BTBD7: variants seen among roughly 807,000 people sequenced by gnomAD.
BTBD7 encodes BTB/POZ domain-containing protein 7.
Under a neutral mutation model 99.9 loss-of-function variants are expected in BTBD7, and 38 were observed. The ratio of observed to expected loss-of-function variants is 0.38; its 90% CI spans 0.29 to 0.50. The LOEUF is 0.50. BTBD7 is among the 20% of genes least tolerant of loss of function. The probability of loss-of-function intolerance (pLI) is 0.93; values close to 1 mark genes in which losing one functional copy is unlikely to be tolerated. For synonymous variants in BTBD7, 520 were observed against 511.4 expected (o/e 1.02, Z -0.23); for missense variants, 1,170 against 1,394.6 (o/e 0.84, Z 2.57).
At chr14:93,243,283 T>G (rs1034029592) in intron 10 of BTBD7, among the ~76,000 whole-genome samples, 195 bp from the exon 11 acceptor site, 3 of 151,944 alleles carry the variant, frequency 2.0e-5, no homozygotes, top group Admixed American at 2.0e-4. Context: ...AACCTCTGCC[T>G]CCCGGGTTCA....
At position 93,253,739 on chromosome 14, in the gene BTBD7, C is replaced by T; in HGVS notation, c.1660G>A (p.Glu554Lys). The T allele has an allele frequency of 6.2e-7, 1 of 1,613,000 alleles. No homozygotes were observed. The highest frequency in any genetic ancestry group is 8.5e-7 in the Non-Finnish European group (1 of 1,179,300). Residue 554 changes from glutamate (E) to lysine (K), a missense_variant, in exon 7 of 11, where the codon GAA becomes AAA. Glu to Lys is a moderately conservative substitution (Grantham distance 56). Coordinates refer to ENST00000334746, the MANE Select transcript of BTBD7 (RefSeq NM_001002860.4). ...AACCAGGCATTTGACTTCCCACCTT[C>T]TGTTGTAGGAAGCATATCTGATGGA... ...TPPSDMLPTT[E>K]GGKSNAWLRQ... is the part of the protein sequence containing the mutation.
chr14:93,256,734 T>A (rs1427928503), intron 6 of BTBD7: 1 of 152,918 alleles, frequency 6.5e-6, no homozygotes, highest in Admixed American at 6.5e-5. Context: ...TATTAATTTT[T>A]AAAAAATTCA....
chr14:93,276,174 C>T (rs114858704), intron 3 of BTBD7, among the ~76,000 whole-genome samples: 5,234 of 152,270 alleles, frequency 0.034, 296 homozygotes, highest in African/African-American at 0.12. Flanking sequence ...TGTGATCATG[C>T]CACTGCAGCA....
intron 1 of BTBD7, among the ~76,000 whole-genome samples, chr14:93,317,131 G>A (rs992363073): frequency 6.6e-6 from 1 of 151,840 alleles, no homozygotes; most frequent in Non-Finnish European, 1.5e-5. Context: ...TCAGCCTCCC[G>A]AGCGGCTAAG....
intron 3 of BTBD7, among the ~76,000 whole-genome samples, chr14:93,282,418 T>C (rs1226560575): frequency 6.6e-6 from 1 of 151,878 alleles, no homozygotes; most frequent in African/African-American, 2.4e-5. Context: ...CTACAACTTC[T>C]GCCTCCTGGG....
At chr14:93,325,101 C>T (rs2053313565) in intron 1 of BTBD7, among the ~76,000 whole-genome samples, 2 of 143,144 alleles carry the variant, frequency 1.4e-5, no homozygotes, top group Admixed American at 1.5e-4. Context: ...AAGCAGCATG[C>T]TCCAATTTTT....
Position 93,242,295 on chromosome 14 carries a change from A to G in BTBD7, c.3377T>C (p.Leu1126Pro). 6.2e-7 allele frequency: 1 copy of G among 1,613,690 alleles called. No individual in the cohort carries two copies. Among genetic ancestry groups the G allele is most frequent in the Non-Finnish European group, 8.5e-7 (1 of 1,179,670 alleles). ...GRRSPSKPDF[L>P]YKKSAL ...CTCTCAGAGGGCAGACTTTTTGTAG[A>G]GGAAGTCCGGCTTGCTTGGTGACCT... Residue 1126 changes from leucine (L) to proline (P), a missense_variant, in exon 11 of 11, where the codon CTC (leucine) becomes CCC (proline). Around this residue, in one of 4 missense-constraint regions of BTBD7, gnomAD observed 495 missense variants for 525.9 expected, o/e 0.94. Coordinates refer to ENST00000334746, the MANE Select transcript of BTBD7 (RefSeq NM_001002860.4).
chr14:93,276,452 T>C (rs1180277283), intron 3 of BTBD7, among the ~76,000 whole-genome samples: 1 of 152,162 alleles, frequency 6.6e-6, no homozygotes, highest in Non-Finnish European at 1.5e-5. Context: ...GGGGACTCTT[T>C]ACAGAATACC....
At chr14:93,306,810 T>A (rs977220041) in intron 1 of BTBD7, among the ~76,000 whole-genome samples, 2 of 152,246 alleles carry the variant, frequency 1.3e-5, no homozygotes, top group Admixed American at 1.3e-4. Flanking sequence ...AATATATGTA[T>A]CACTGTCATA....
At chr14:93,289,977 C>T (rs1038149349) in intron 3 of BTBD7, among the ~76,000 whole-genome samples, 2 of 151,712 alleles carry the variant, frequency 1.3e-5, no homozygotes, top group African/African-American at 2.4e-5. Context: ...GTGCCTCAGC[C>T]TCCCTAGTAG....
intron 5 of BTBD7, among the ~76,000 whole-genome samples, chr14:93,261,016 G>A (rs2052483420): frequency 6.6e-6 from 1 of 151,848 alleles, no homozygotes; most frequent in Admixed American, 6.6e-5. Context: ...TCAGTCTCCC[G>A]AGTAGCTGGG....
intron 5 of BTBD7, among the ~76,000 whole-genome samples, chr14:93,260,151 G>A (rs1207412330): frequency 6.6e-6 from 1 of 152,018 alleles, no homozygotes; most frequent in African/African-American, 2.4e-5. Context: ...CTTAAAGGCA[G>A]GTTTAGCACA....
rs568448522 is a variant in BTBD7 at position 93,238,107 on chromosome 14, T to A, written c.*4166A>T. On this transcript the variant is annotated 3_prime_UTR_variant, in exon 11 of 11. Coordinates refer to ENST00000334746, the MANE Select transcript of BTBD7 (RefSeq NM_001002860.4). Reference sequence around the variant, plus strand: ...CAGATGATGAAGCTTCCAGAGCTTATCTGATCTCTTAGACAGAACTCACAT... The same window carrying A: ...CAGATGATGAAGCTTCCAGAGCTTAACTGATCTCTTAGACAGAACTCACAT... 6.5e-6 allele frequency: 1 copy of A among 152,704 alleles called. No homozygotes were observed. The highest frequency in any genetic ancestry group is 1.9e-4 in the East Asian group (1 of 5,188). 9.5% of individuals were successfully genotyped at this position (152,704 alleles called of 1,614,324 possible).
At position 93,291,406 on chromosome 14, in the gene BTBD7, C is replaced by T. The variant is rs1015598309; in HGVS notation, c.1162+2452G>A. Among the ~76,000 whole-genome samples, 3 of 152,202 alleles carry T rather than the reference C, an allele frequency of 2.0e-5. No individual in the cohort carries two copies. In the South Asian group the frequency reaches 6.2e-4, roughly 32 times the overall value. ...ACTAAGACACGGTAGAGAACTGAAACCCAGTCTGTCTGGTTTTAGAACCTG... is the reference window on the plus strand; with the variant it reads ...ACTAAGACACGGTAGAGAACTGAAATCCAGTCTGTCTGGTTTTAGAACCTG... On this transcript the variant is annotated intron_variant, in intron 3 of 10. Transcript: ENST00000334746.
chr14:93,293,290 T>C (rs1227595959), intron 3 of BTBD7, among the ~76,000 whole-genome samples: 5 of 152,154 alleles, frequency 3.3e-5, no homozygotes, highest in Non-Finnish European at 7.3e-5. Context: ...AGAAGGCACA[T>C]GAGTCTAGCG....
At chr14:93,261,723 G>GT (rs2052491307) in intron 4 of BTBD7, 46 bp from the exon 5 acceptor site, 1 of 1,418,542 alleles carries the variant, frequency 7.0e-7, no homozygotes, top group Admixed American at 1.7e-5. Flanking sequence ...AATTAGATAA[G>GT]TGGTTAATTT....
At chr14:93,264,463 T>C (rs2052521206) in intron 3 of BTBD7, among the ~76,000 whole-genome samples, 1 of 152,154 alleles carries the variant, frequency 6.6e-6, no homozygotes, top group Non-Finnish European at 1.5e-5. Flanking sequence ...ACATAGCACC[T>C]TGCATTGTTG....
chr14:93,307,297 G>T (rs1294671378), intron 1 of BTBD7, among the ~76,000 whole-genome samples: 1 of 152,098 alleles, frequency 6.6e-6, no homozygotes, highest in Non-Finnish European at 1.5e-5. Flanking sequence ...GAGCAGGCGT[G>T]TGCCACCATG....
At chr14:93,297,701 T>C (rs2052946089) in intron 1 of BTBD7, among the ~76,000 whole-genome samples, 2 of 152,226 alleles carry the variant, frequency 1.3e-5, no homozygotes, top group South Asian at 4.1e-4. Flanking sequence ...CAGGCTTTTA[T>C]AGTGGTTCTT....
Sources: allele counts gnomAD v4.1 joint callset (sites outside exome capture counted in the v4.1 genomes callset), GRCh38; gene constraint gnomAD v4.1.1; regional missense constraint gnomAD v4.1.1; transcripts MANE v1.5; gene names NCBI Gene and HGNC (gene_info 2026-07-23, HGNC 2026-07-21).